DGAT2L6: variants seen among roughly 807,000 people sequenced by gnomAD.
DGAT2L6 encodes diacylglycerol O-acyltransferase 2-like protein 6.
A neutral mutation model predicts 25.5 loss-of-function variants in DGAT2L6; 22 were observed. The ratio of observed to expected loss-of-function variants is 0.86; its 90% CI spans 0.62 to 1.23. The LOEUF is 1.23. DGAT2L6 is among the 50% of genes most tolerant of loss of function. The probability of loss-of-function intolerance (pLI) is 0.00; values close to 1 mark genes in which losing one functional copy is unlikely to be tolerated. For missense variants in DGAT2L6, 287 were observed against 253.2 expected, an observed-to-expected ratio of 1.13 and a Z score of -0.91; for synonymous variants, 100 against 94.7, an observed-to-expected ratio of 1.06 and a Z score of -0.32.
chrX:70,184,664 C>T (rs995264978), intron 1 of DGAT2L6, among the ~76,000 whole-genome samples: 1 of 110,069 alleles, frequency 9.1e-6, no homozygotes, highest in African/African-American at 3.3e-5. Context: ...CGAGGTCTCA[C>T]TATGTTGCCT....
At chrX:70,188,170 T>C (rs2085365128) in intron 1 of DGAT2L6, among the ~76,000 whole-genome samples, 1 of 111,891 alleles carries the variant, frequency 8.9e-6, no homozygotes, top group Non-Finnish European at 1.9e-5. Flanking sequence ...TTGGTACCAT[T>C]TTTAACTTAA....
chrX:70,180,982 G>C (rs1210080689), intron 1 of DGAT2L6, among the ~76,000 whole-genome samples: 1 of 112,087 alleles, frequency 8.9e-6, no homozygotes, highest in East Asian at 2.8e-4. Flanking sequence ...TTGACGTTTT[G>C]GCTATTGTGA....
intron 1 of DGAT2L6, among the ~76,000 whole-genome samples, chrX:70,193,503 A>G (rs1195843695): frequency 9.0e-6 from 1 of 111,027 alleles, no homozygotes; most frequent in Non-Finnish European, 1.9e-5. Flanking sequence ...ATCCTCAACA[A>G]AATACTAGCA....
At chrX:70,200,091 C>T (rs757866664) in intron 3 of DGAT2L6, among the ~76,000 whole-genome samples, 164 bp from the exon 4 acceptor site, 2 of 111,817 alleles carry the variant, frequency 1.8e-5, no homozygotes, top group East Asian at 5.7e-4. Context: ...GTCAGCCTCT[C>T]TGACCATCGT....
chrX:70,185,149 T>G (rs1010157254), intron 1 of DGAT2L6, among the ~76,000 whole-genome samples: 20 of 111,356 alleles, frequency 1.8e-4, no homozygotes, highest in African/African-American at 6.5e-4. Context: ...CACGGCTTCC[T>G]TAGGCTGCCT....
intron 1 of DGAT2L6, 144 bp downstream of exon 1, chrX:70,177,811 A>T (rs755279994): frequency 4.2e-6 from 2 of 472,477 alleles, no homozygotes; most frequent in Non-Finnish European, 7.0e-6. Context: ...GCCAGGAGTG[A>T]GGCTGCAGCT....
intron 1 of DGAT2L6, among the ~76,000 whole-genome samples, chrX:70,187,269 G>A (rs1225355496): frequency 9.0e-6 from 1 of 111,242 alleles, no homozygotes; most frequent in East Asian, 2.8e-4. Flanking sequence ...CTTGAGGCCT[G>A]AAAGATGAAT....
chrX:70,193,022 A>G (rs1310323598), intron 1 of DGAT2L6, among the ~76,000 whole-genome samples: 2 of 111,720 alleles, frequency 1.8e-5, no homozygotes, highest in East Asian at 5.6e-4. Context: ...GATCAATGAC[A>G]AATGAAATTT....
Position 70,202,136 on chromosome X carries a change from C to G in DGAT2L6, c.647+72C>G, listed in dbSNP as rs2085412881. On this transcript the variant is annotated intron_variant, in intron 5 of 6. Transcript: ENST00000333026. Reference sequence around the variant, plus strand: ...CTCTGTAGCCCTCTCCAGAATGGTGCCCTCCCTGGGCACCTGTTAGAGGGC... The same window carrying G: ...CTCTGTAGCCCTCTCCAGAATGGTGGCCTCCCTGGGCACCTGTTAGAGGGC... The G allele has an allele frequency of 4.8e-5, 46 of 964,793 alleles. No individual in the cohort carries two copies. The South Asian group carries it at 1.4e-3, about 30-fold the overall frequency. The allele number at this position is 964,793 out of a possible 1,213,427, so 79.5% of individuals were successfully genotyped here.
intron 1 of DGAT2L6, among the ~76,000 whole-genome samples, chrX:70,182,755 G>A (rs1200815976): frequency 4.5e-5 from 5 of 111,564 alleles, no homozygotes; most frequent in East Asian, 2.8e-4. Context: ...CCGGGCTCAC[G>A]CCATTCTCCT....
At position 70,200,464 on chromosome X, in the gene DGAT2L6, G is replaced by C; in HGVS notation, c.472+5G>C. 8.3e-7 allele frequency: 1 copy of C among 1,203,872 alleles called. No homozygotes were observed. The highest frequency in any genetic ancestry group is 1.8e-5 in the South Asian group (1 of 56,096). On this transcript the variant is annotated splice_donor_5th_base_variant and intron_variant, in intron 4 of 6. Transcript: ENST00000333026. Reference sequence around the variant, plus strand: ...GAGAATATGTGATGTCAATGGGTGAGTATAAGAAATAATTAATTCTATTTT... The same window carrying C: ...GAGAATATGTGATGTCAATGGGTGACTATAAGAAATAATTAATTCTATTTT...
At chrX:70,193,273 A>C (rs1421028583) in intron 1 of DGAT2L6, among the ~76,000 whole-genome samples, 2 of 107,577 alleles carry the variant, frequency 1.9e-5, no homozygotes, top group African/African-American at 6.8e-5. Context: ...GCGCCATTGC[A>C]CTCCAGCCTG....
intron 1 of DGAT2L6, among the ~76,000 whole-genome samples, chrX:70,193,385 C>T (rs760662315): frequency 1.8e-5 from 2 of 110,876 alleles, no homozygotes; most frequent in Non-Finnish European, 3.8e-5. Context: ...GGAGCACTTC[C>T]AAACTCCTTT....
intron 1 of DGAT2L6, among the ~76,000 whole-genome samples, chrX:70,188,012 G>A (rs747178978): frequency 2.5e-4 from 28 of 111,555 alleles, no homozygotes; most frequent in Middle Eastern, 4.6e-3. Context: ...TGTTCTCATG[G>A]GGTCTTTATG....
At chrX:70,181,678 T>C (rs768841016) in intron 1 of DGAT2L6, among the ~76,000 whole-genome samples, 13 of 112,367 alleles carry the variant, frequency 1.2e-4, no homozygotes, top group African/African-American at 4.2e-4. Context: ...CCGCATTTTA[T>C]GTGCCAGTGC....
intron 1 of DGAT2L6, among the ~76,000 whole-genome samples, chrX:70,184,381 C>T (rs750774455): frequency 9.0e-6 from 1 of 111,179 alleles, no homozygotes; most frequent in East Asian, 2.8e-4. Context: ...GAGGCAGACA[C>T]CTTAGACACT....
intron 1 of DGAT2L6, among the ~76,000 whole-genome samples, chrX:70,190,626 C>T (rs1225703447): frequency 2.7e-5 from 3 of 112,119 alleles, no homozygotes; most frequent in Non-Finnish European, 5.6e-5. Flanking sequence ...TACAGGACTG[C>T]CAATCTTGGT....
At chrX:70,196,221 T>C (rs1210232002) in intron 1 of DGAT2L6, among the ~76,000 whole-genome samples, 1 of 110,522 alleles carries the variant, frequency 9.0e-6, no homozygotes, top group Non-Finnish European at 1.9e-5. Flanking sequence ...CTCACACCTG[T>C]AATCCCAGCA....
Position 70,200,369 on chromosome X carries a change from G to T in DGAT2L6, c.382G>T (p.Ala128Ser). 2 of 1,211,865 alleles carry T rather than the reference G, an allele frequency of 1.7e-6. No homozygotes were observed. The highest frequency in any genetic ancestry group is 2.3e-4 in the Middle Eastern group (1 of 4,355). The change falls in exon 4 of 7, where the codon GCT becomes TCT. Residue 128 changes from alanine (A) to serine (S), a missense_variant. By Grantham distance (99) the Ala-to-Ser change is moderately conservative (BLOSUM62 1). Coordinates refer to ENST00000333026, the MANE Select transcript of DGAT2L6 (RefSeq NM_198512.3). Reference sequence around the variant, plus strand: ...CTTTGCCACTGAGGCCACTGGCATTGCTCGGATTTTCCCATCCATCACTCC... The same window carrying T: ...CTTTGCCACTGAGGCCACTGGCATTTCTCGGATTTTCCCATCCATCACTCC... ...INFATEATGI[A>S]RIFPSITPFV...
Sources: allele counts gnomAD v4.1 joint callset (sites outside exome capture counted in the v4.1 genomes callset), GRCh38; gene constraint gnomAD v4.1.1; transcripts MANE v1.5; gene names NCBI Gene and HGNC (gene_info 2026-07-23, HGNC 2026-07-21).